TUG1: variants seen among roughly 807,000 people sequenced by gnomAD.
The protein encoded by TUG1 is taurine upregulated gene 1.
exon 1 of TUG1, chr22:30,971,004 C>G (rs1345347230): frequency 6.6e-6 from 1 of 152,166 alleles, no homozygotes; most frequent in Non-Finnish European, 1.5e-5. Flanking sequence ...CCAGTTTTTG[C>G]TTCTTTGTTA....
chr22:30,970,251 G>T (rs1229122869), exon 1 of TUG1: 2 of 152,180 alleles, frequency 1.3e-5, no homozygotes, highest in African/African-American at 4.8e-5. Context: ...AGGGGGCTGT[G>T]ACCCAGAAGA....
chr22:30,976,651 A>G (rs2041290782), exon 3 of TUG1: 2 of 152,198 alleles, frequency 1.3e-5, no homozygotes, highest in South Asian at 4.1e-4. Flanking sequence ...AGCAGGAAGG[A>G]TTCAGTTTAT....
exon 3 of TUG1, chr22:30,977,094 C>G (rs1323722900): frequency 6.6e-6 from 1 of 152,092 alleles, no homozygotes; most frequent in East Asian, 1.9e-4. Context: ...CATACTCAGT[C>G]AAAAGGAATG....
chr22:30,977,988 A>T (rs534729281), exon 3 of TUG1: 1 of 152,224 alleles, frequency 6.6e-6, no homozygotes, highest in Non-Finnish European at 1.5e-5. Context: ...GGAATACAGC[A>T]GTTCGAAAGC....
exon 3 of TUG1, chr22:30,978,766 T>A (rs1225837941): frequency 1.3e-5 from 2 of 152,224 alleles, no homozygotes; most frequent in Admixed American, 1.3e-4. Flanking sequence ...TTTGTGCCCC[T>A]GGATCCAACC....
intron 2 of TUG1, chr22:30,974,095 C>T (rs1251833615): frequency 6.6e-6 from 1 of 151,992 alleles, no homozygotes; most frequent in African/African-American, 2.4e-5. Context: ...ATTCCTGGGC[C>T]CTAAGAGCTT....
At position 30,975,996 on chromosome 22, in the gene TUG1, G is replaced by C. The variant is rs1363431261; in HGVS notation, c.*3521G>C. The stretch of plus-strand genomic sequence containing the variant: ...TCACTGTATGACTCAACCAGTAGCA[G>C]TTATATTGCCCCTTGGTTTTTATTC... On this transcript the variant is annotated 3_prime_UTR_variant, in exon 3 of 3. Coordinates refer to ENST00000644773, the Ensembl canonical transcript of TUG1. 5.4e-5 allele frequency: 8 copies of C among 148,972 alleles called. No homozygotes were observed. The Admixed American group carries it at 5.4e-4, about 10-fold the overall frequency. The allele number at this position is 148,972 out of a possible 1,614,324, so 9.2% of individuals were successfully genotyped here. A position where few individuals can be genotyped will look rare whatever the true frequency, so the allele number is the denominator to read the frequency against.
At chr22:30,974,812 A>T (rs150871808) in intron 2 of TUG1, 4 of 152,286 alleles carry the variant, frequency 2.6e-5, no homozygotes, top group Non-Finnish European at 5.9e-5. Flanking sequence ...TGGGTTAAGG[A>T]GGTTGGGAAG....
At chr22:30,973,472 C>T (rs2041253426) in exon 2 of TUG1, 1 of 152,172 alleles carries the variant, frequency 6.6e-6, no homozygotes, top group Admixed American at 6.5e-5. Context: ...TGGAATTACT[C>T]AGGAACCAGA....
exon 3 of TUG1, chr22:30,978,160 A>G (rs527241908): frequency 6.6e-6 from 1 of 152,334 alleles, no homozygotes; most frequent in East Asian, 1.9e-4. Context: ...GTAGAAGGCT[A>G]GTTGTCTTAC....
chr22:30,978,193 G>A (rs2041311530), exon 3 of TUG1: 1 of 152,212 alleles, frequency 6.6e-6, no homozygotes, highest in Non-Finnish European at 1.5e-5. Flanking sequence ...GGACAGTTGG[G>A]CTCTCAGACT....
chr22:30,969,755 G>C (rs2041203323), exon 1 of TUG1: 1 of 152,356 alleles, frequency 6.6e-6, no homozygotes, highest in South Asian at 2.1e-4. Context: ...GGGGGCAGGA[G>C]GGGGCCGGAG....
At chr22:30,979,268 A>G (rs973217147) in exon 3 of TUG1, 2 of 152,218 alleles carry the variant, frequency 1.3e-5, no homozygotes, top group East Asian at 1.9e-4. Context: ...AGAAAGGTCT[A>G]TTCACAGCTT....
chr22:30,974,819 GA>G (rs1455012122), intron 2 of TUG1: 4 of 152,212 alleles, frequency 2.6e-5, no homozygotes, highest in African/African-American at 7.2e-5. Flanking sequence ...AGGAGGTTGG[GA>G]AGGGGAGAAA....
At chr22:30,970,943 C>T (rs5997826) in exon 1 of TUG1, 208 of 152,284 alleles carry the variant, frequency 1.4e-3, no homozygotes, top group African/African-American at 4.6e-3. Context: ...TTTCCTTGGC[C>T]CTCCTTGTGT....
chr22:30,977,799 A>G (rs2041306265), exon 3 of TUG1: 3 of 152,166 alleles, frequency 2.0e-5, no homozygotes, highest in Admixed American at 2.0e-4. Flanking sequence ...AAGGATTTTT[A>G]ATAGTAACAA....
At chr22:30,974,362 AG>A (rs1341052617) in intron 2 of TUG1, 1 of 151,608 alleles carries the variant, frequency 6.6e-6, no homozygotes, top group Non-Finnish European at 1.5e-5. Flanking sequence ...AAAAAAAAAA[AG>A]ACTTCTAGTA....
chr22:30,974,816 T>C (rs2041270026), intron 2 of TUG1: 1 of 152,152 alleles, frequency 6.6e-6, no homozygotes, highest in African/African-American at 2.4e-5. Context: ...TTAAGGAGGT[T>C]GGGAAGGGGA....
At chr22:30,977,109 A>C (rs1282946328) in exon 3 of TUG1, 5 of 152,170 alleles carry the variant, frequency 3.3e-5, no homozygotes, top group African/African-American at 1.2e-4. Flanking sequence ...GGAATGACTT[A>C]AGATGAAGAT....
Sources: gnomAD v4.1 joint callset for allele counts on GRCh38, gnomAD v4.1.1 for gene constraint, MANE v1.5 for transcripts, NCBI Gene and HGNC (gene_info 2026-07-23, HGNC 2026-07-21) for gene names.